SYT14: variants seen among roughly 807,000 people sequenced by gnomAD.
SYT14 encodes synaptotagmin-14.
In SYT14, 32 loss-of-function variants were observed where a neutral mutation model predicts 74.2. The observed-to-expected ratio is 0.43, with a 90% confidence interval of 0.33 to 0.58. The LOEUF is 0.58. Among genes scored for constraint, SYT14 ranks in the 20% least tolerant of loss-of-function variants. The pLI is 0.05. For synonymous variants in SYT14, 298 were observed against 337.7 expected, an observed-to-expected ratio of 0.88 and a Z score of 1.29; for missense variants, 791 against 981.8, an observed-to-expected ratio of 0.81 and a Z score of 2.60.
At chr1:210,028,771 TC>T (rs1354712194) in intron 5 of SYT14, among the ~76,000 whole-genome samples, 1 of 152,178 alleles carries the variant, frequency 6.6e-6, no homozygotes, top group Non-Finnish European at 1.5e-5. Flanking sequence ...TTCTTTCAGT[TC>T]TTTTGAGTAT....
intron 5 of SYT14, among the ~76,000 whole-genome samples, chr1:210,023,629 A>T (rs1457982330): frequency 6.6e-6 from 1 of 152,232 alleles, no homozygotes; most frequent in Non-Finnish European, 1.5e-5. Flanking sequence ...GGCATGAGCC[A>T]CCGTGCCCAG....
intron 5 of SYT14, among the ~76,000 whole-genome samples, chr1:210,059,451 T>TATATATATATAGAGAGAGAGAGAGAG (rs377050610): frequency 1.4e-5 from 1 of 69,892 alleles, no homozygotes; most frequent in African/African-American, 7.9e-5. Context: ...TATATATATA[T>TATATATATATAGAGAGAGAGAGAGAG]AGAGAGAGAG....
chr1:210,140,159 G>A (rs1260039853), intron 7 of SYT14, among the ~76,000 whole-genome samples: 4 of 152,106 alleles, frequency 2.6e-5, no homozygotes, highest in African/African-American at 9.7e-5. Flanking sequence ...ATCCTACTGG[G>A]TATAAAGTGG....
Position 209,990,573 on chromosome 1 carries a change from A to G in SYT14, c.-485-23060A>G, listed in dbSNP as rs1436814030. 2.0e-5 allele frequency among the ~76,000 whole-genome samples: 2 copies of G among 98,860 alleles called. 1 individual carries two copies. The highest frequency in any genetic ancestry group is 5.2e-5 in the Non-Finnish European group (2 of 38,478). 64.9% of individuals were successfully genotyped at this position (98,860 alleles called of 152,430 possible). On this transcript the variant is annotated intron_variant, in intron 2 of 9. Transcript: ENST00000637265. ...TGTATATATATACGTATATATATGT[A>G]TGTATATTTCTTGTTTTAATGAAAT...
intron 2 of SYT14, among the ~76,000 whole-genome samples, chr1:209,987,566 C>T (rs139940191): frequency 6.6e-6 from 1 of 152,308 alleles, no homozygotes; most frequent in East Asian, 1.9e-4. Flanking sequence ...AGGATCTTCC[C>T]CCATGATCCA....
At chr1:209,985,942 G>A (rs1193213195) in intron 2 of SYT14, among the ~76,000 whole-genome samples, 2 of 152,166 alleles carry the variant, frequency 1.3e-5, no homozygotes, top group Non-Finnish European at 2.9e-5. Context: ...GCTGTGCAGG[G>A]CAGCAGGACC....
At chr1:210,078,800 G>A (rs948830409) in intron 5 of SYT14, among the ~76,000 whole-genome samples, 1 of 151,128 alleles carries the variant, frequency 6.6e-6, no homozygotes, top group Non-Finnish European at 1.5e-5. Context: ...AGGCTGGAGT[G>A]CACTGATGTT....
chr1:210,003,830 C>A lies in SYT14; in HGVS notation c.-485-9803C>A, dbSNP rs539182013. Among the ~76,000 whole-genome samples the A allele has an allele frequency of 2.0e-5, 3 of 152,224 alleles. No homozygotes were observed. In the East Asian group the frequency reaches 5.8e-4, roughly 29 times the overall value. ...TGCATTAAATATTGCCAAATCCTTA[C>A]AAATAATTGGTTTTAATATTTTTTC... On this transcript the variant is annotated intron_variant, in intron 2 of 9. Transcript: ENST00000637265.
chr1:210,091,229 C>T (rs777547772), intron 5 of SYT14, among the ~76,000 whole-genome samples: 3 of 152,052 alleles, frequency 2.0e-5, no homozygotes, highest in Non-Finnish European at 4.4e-5. Flanking sequence ...ACTTAGTTGG[C>T]CCACAGCTAG....
At chr1:210,100,778 T>C (rs2082049471) in intron 7 of SYT14, among the ~76,000 whole-genome samples, 1 of 147,140 alleles carries the variant, frequency 6.8e-6, no homozygotes, top group Non-Finnish European at 1.5e-5. Flanking sequence ...TCCAAACTCC[T>C]TATAGAATTT....
chr1:209,950,384 G>A (rs1020227613), intron 1 of SYT14, among the ~76,000 whole-genome samples: 7 of 152,088 alleles, frequency 4.6e-5, no homozygotes, highest in African/African-American at 1.2e-4. Flanking sequence ...TAAATATCCA[G>A]TCATTGGACT....
chr1:210,106,268 CAA>C (rs1256025096), intron 7 of SYT14, among the ~76,000 whole-genome samples: 15 of 152,046 alleles, frequency 9.9e-5, no homozygotes, highest in Non-Finnish European at 7.4e-5. Context: ...AGTGCATGCC[CAA>C]AGACAGTCTT....
chr1:210,106,051 T>A (rs1192948711), intron 7 of SYT14, among the ~76,000 whole-genome samples: 5 of 152,230 alleles, frequency 3.3e-5, no homozygotes, highest in African/African-American at 1.2e-4. Flanking sequence ...AACATAAGAA[T>A]GGCCTAACAC....
At chr1:210,092,651 C>T (rs564008212) in intron 5 of SYT14, among the ~76,000 whole-genome samples, 2 of 152,318 alleles carry the variant, frequency 1.3e-5, no homozygotes, top group Non-Finnish European at 2.9e-5. Flanking sequence ...CATGTCTAAT[C>T]TGTCTTCTTG....
At chr1:210,112,207 G>C (rs2082276271) in intron 7 of SYT14, among the ~76,000 whole-genome samples, 1 of 151,266 alleles carries the variant, frequency 6.6e-6, no homozygotes, top group Non-Finnish European at 1.5e-5. Flanking sequence ...TCCTGACTCA[G>C]GGCATGTGAG....
chr1:210,033,917 A>G (rs1349849979), intron 5 of SYT14, among the ~76,000 whole-genome samples: 1 of 151,794 alleles, frequency 6.6e-6, no homozygotes, highest in Non-Finnish European at 1.5e-5. Context: ...GAAAGAATAT[A>G]CCCTTAAACT....
intron 5 of SYT14, among the ~76,000 whole-genome samples, chr1:210,039,422 A>G (rs915014619): frequency 4.6e-5 from 7 of 152,196 alleles, no homozygotes; most frequent in Non-Finnish European, 8.8e-5. Context: ...ACCTAAAACC[A>G]TAAAAGCCCT....
At chr1:210,123,463 A>T (rs1572342005) in intron 7 of SYT14, among the ~76,000 whole-genome samples, 2 of 152,350 alleles carry the variant, frequency 1.3e-5, no homozygotes, top group South Asian at 4.1e-4. Context: ...TCTGGGGATT[A>T]AAAACAAGAT....
intron 7 of SYT14, among the ~76,000 whole-genome samples, chr1:210,155,374 A>G (rs894953162): frequency 3.3e-5 from 5 of 152,190 alleles, no homozygotes; most frequent in Admixed American, 6.5e-5. Context: ...TTGAGTCTAA[A>G]TCTTTGTCAG....
Sources: allele counts gnomAD v4.1 joint callset (sites outside exome capture counted in the v4.1 genomes callset), GRCh38; gene constraint gnomAD v4.1.1; transcripts MANE v1.5; gene names NCBI Gene and HGNC (gene_info 2026-07-23, HGNC 2026-07-21).